The following PSMC6 variants were observed in gnomAD, a reference collection of about 807,000 sequenced individuals.
PSMC6 encodes 26S proteasome regulatory subunit 10B.
Under a neutral mutation model 55.9 loss-of-function variants are expected in PSMC6, and 3 were observed. That is an observed-to-expected ratio of 0.05 (90% CI 0.02 to 0.14). PSMC6 has a LOEUF of 0.14. Ranked by LOEUF, PSMC6 falls within the 10% of genes least tolerant of loss-of-function variation. The pLI is 1.00. For synonymous variants in PSMC6, 137 were observed against 155.9 expected (o/e 0.88, Z 0.90); for missense variants, 210 against 478.7 (o/e 0.44, Z 5.24).
At chr14:52,718,383 G>A (rs1227197865) in intron 9 of PSMC6, 31 bp downstream of exon 9, 1 of 1,588,010 alleles carries the variant, frequency 6.3e-7, no homozygotes. Context: ...GAAAGTTTTA[G>A]GACTTTTTTT....
intron 7 of PSMC6, among the ~76,000 whole-genome samples, chr14:52,717,799 C>T (rs1384380602): frequency 3.9e-5 from 6 of 151,996 alleles, no homozygotes; most frequent in Non-Finnish European, 7.4e-5. Flanking sequence ...GGCAGGATCA[C>T]CTGAGCCCAA....
chr14:52,712,381 G>C (rs1030863085), intron 6 of PSMC6, among the ~76,000 whole-genome samples: 1 of 41,782 alleles, frequency 2.4e-5, no homozygotes, highest in African/African-American at 9.4e-5. Flanking sequence ...ACTGGTCTAA[G>C]TGTAAAAAAA....
chr14:52,717,019 G>A lies in PSMC6; in HGVS notation c.530-1062G>A, dbSNP rs147123748. On this transcript the variant is annotated intron_variant, in intron 7 of 13. Transcript: ENST00000445930. ...GGGGATAGGGGAGATGTTGGTCAAA[G>A]GATATAAAGTTCACTTAGACAGGAG... is the stretch of plus-strand genomic sequence containing the variant. Among the ~76,000 whole-genome samples the A allele has an allele frequency of 2.4e-3, 368 of 152,236 alleles. 2 individuals carry two copies. Among genetic ancestry groups the A allele is most frequent in the African/African-American group, 8.6e-3 (358 of 41,552 alleles).
At chr14:52,708,264 T>G (rs769347249) in intron 1 of PSMC6, 45 bp from the exon 2 acceptor site, 1 of 1,523,746 alleles carries the variant, frequency 6.6e-7, no homozygotes, top group Non-Finnish European at 9.1e-7. Context: ...TTAAACACAC[T>G]AAGATTACTG....
chr14:52,717,330 ATTTTTTT>A (rs71125121), intron 7 of PSMC6, among the ~76,000 whole-genome samples: 2 of 110,734 alleles, frequency 1.8e-5, no homozygotes, highest in African/African-American at 7.0e-5. Flanking sequence ...GTACTTTGGA[ATTTTTTT>A]TTTTTTTTTT....
chr14:52,711,712 T>A (rs566752190), intron 6 of PSMC6, among the ~76,000 whole-genome samples, 188 bp downstream of exon 6: 2 of 152,322 alleles, frequency 1.3e-5, no homozygotes, highest in South Asian at 2.1e-4. Flanking sequence ...TGTTTTTTTT[T>A]ATTTGGAGAT....
At position 52,720,927 on chromosome 14, in the gene PSMC6, C is replaced by A; in HGVS notation, c.844C>A (p.Pro282Thr). 6 of 1,612,854 alleles carry A rather than the reference C, an allele frequency of 3.7e-6. No homozygotes were observed. Among genetic ancestry groups the A allele is most frequent in the Non-Finnish European group, 5.1e-6 (6 of 1,179,102 alleles). Residue 282 changes from proline to threonine, a missense_variant, in exon 11 of 14, where the codon CCA (proline) becomes ACA (threonine). By Grantham distance (38) the Pro-to-Thr change is conservative (BLOSUM62 -1). Coordinates refer to ENST00000445930, the MANE Select transcript of PSMC6 (RefSeq NM_002806.5). The part of the protein sequence containing the change: ...RVKMIMATNR[P>T]DTLDPALLRP... ...TAAAATGATCATGGCTACAAACAGA[C>A]CAGATACACTGGATCCTGCTTTGCT... is the stretch of plus-strand genomic sequence containing the variant.
rs181468639 is a variant in PSMC6, at chr14:52,714,377, C to T, written c.529+409C>T. ...TTTGATGTGGGCAGTTCCAACTTCT[C>T]CTCTCTTCAGAGTGAGAATGAGATA... On this transcript the variant is annotated intron_variant, in intron 7 of 13. Transcript: ENST00000445930. Among the ~76,000 whole-genome samples, 178 of 151,992 alleles carry T rather than the reference C, an allele frequency of 1.2e-3. 1 individual carries two copies. The highest frequency in any genetic ancestry group is 4.2e-3 in the African/African-American group (173 of 41,488).
chr14:52,722,415 G>A (rs1320814706), intron 12 of PSMC6: 2 of 151,218 alleles, frequency 1.3e-5, no homozygotes, highest in African/African-American at 2.4e-5. Context: ...GAATGACCTA[G>A]GAGAAAGAGA....
At chr14:52,708,179 G>T in intron 1 of PSMC6, 130 bp from the exon 2 acceptor site, 1 of 722,734 alleles carries the variant, frequency 1.4e-6, no homozygotes. Flanking sequence ...TTTCTTTTAT[G>T]GTTTGAAACA....
intron 10 of PSMC6, among the ~76,000 whole-genome samples, chr14:52,720,304 G>A (rs558932588): frequency 6.2e-5 from 8 of 130,060 alleles, no homozygotes; most frequent in African/African-American, 2.3e-4. Flanking sequence ...GGAGGTGAAG[G>A]TTGCAGTGAG....
rs2041712737 is a variant in PSMC6, at chr14:52,707,282, G to A, written c.63G>A (p.Glu21=). ...GCAAGAAGTTGCTTGAACACAAGGA[G>A]ATCGACGGCCGTCTTAAGGAGTGTG... ...DYRKKLLEHK[E]IDGRLKELRE... Residue 21 remains glutamate, a synonymous_variant, in exon 1 of 14, where the codon GAG becomes GAA. Transcript: ENST00000445930. 6.2e-7 allele frequency: 1 copy of A among 1,614,008 alleles called. No individual in the cohort carries two copies. The highest frequency in any genetic ancestry group is 1.3e-5 in the African/African-American group (1 of 74,940).
At chr14:52,718,410 T>C in intron 9 of PSMC6, 58 bp downstream of exon 9, 1 of 1,512,500 alleles carries the variant, frequency 6.6e-7, no homozygotes, top group Non-Finnish European at 9.0e-7. Flanking sequence ...TAAAAGAACC[T>C]TTTTCCCTCT....
intron 3 of PSMC6, 57 bp from the exon 4 acceptor site, chr14:52,708,707 G>T (rs2041731717): frequency 1.2e-6 from 2 of 1,606,460 alleles, no homozygotes; most frequent in Non-Finnish European, 1.7e-6. Flanking sequence ...GTCAACGTGG[G>T]TATGTATTTT....
chr14:52,710,974 A>T, intron 4 of PSMC6, 127 bp from the exon 5 acceptor site: 3 of 762,890 alleles, frequency 3.9e-6, no homozygotes, highest in Non-Finnish European at 6.5e-6. Context: ...CATAGAGTTT[A>T]TAATCTGATA....
At position 52,711,459 on chromosome 14, in the gene PSMC6, G is replaced by A; in HGVS notation, c.376G>A (p.Asp126Asn). ...DPLVYNMSHE[D>N]PGNVSYSEIG... ...ACTGGTTTATAACATGTCTCATGAG[G>A]ACCCTGGGAATGTTTCTTATTCTGA... Residue 126 changes from aspartate to asparagine, a missense_variant, in exon 6 of 14, where the codon GAC (aspartate) becomes AAC (asparagine). Asp to Asn is a conservative substitution (Grantham distance 23). Around this residue, in one of 4 missense-constraint regions of PSMC6, gnomAD observed 101 missense variants for 250.4 expected, o/e 0.40. Transcript: ENST00000445930. 6.2e-7 allele frequency: 1 copy of A among 1,613,260 alleles called. No individual in the cohort carries two copies. The highest frequency in any genetic ancestry group is 8.5e-7 in the Non-Finnish European group (1 of 1,179,360).
At chr14:52,711,574 GT>G in intron 6 of PSMC6, 50 bp downstream of exon 6, 1 of 1,272,730 alleles carries the variant, frequency 7.9e-7, no homozygotes. Flanking sequence ...AATACTACTA[GT>G]TTTAGGATTC....
At chr14:52,707,627 A>G (rs373716788) in intron 1 of PSMC6, 4 of 270,992 alleles carry the variant, frequency 1.5e-5, no homozygotes, top group East Asian at 1.9e-4. Flanking sequence ...GAGTCCCGGG[A>G]CTTGGAGAGG....
At chr14:52,717,922 G>C (rs1344666183) in intron 7 of PSMC6, among the ~76,000 whole-genome samples, 159 bp from the exon 8 acceptor site, 1 of 152,032 alleles carries the variant, frequency 6.6e-6, no homozygotes, top group Non-Finnish European at 1.5e-5. Context: ...CAGCTACTTG[G>C]GAGGCTGAGG....
Sources: allele counts gnomAD v4.1 joint callset (sites outside exome capture counted in the v4.1 genomes callset), GRCh38; gene constraint gnomAD v4.1.1; regional missense constraint gnomAD v4.1.1; transcripts MANE v1.5; gene names NCBI Gene and HGNC (gene_info 2026-07-23, HGNC 2026-07-21).